NCOR2: variants seen among roughly 807,000 people sequenced by gnomAD.
NCOR2 encodes nuclear receptor corepressor 2, also known as CTG repeat protein 26.
NCOR2 carries 81 observed loss-of-function variants against 262.9 expected under a neutral mutation model. The ratio of observed to expected loss-of-function variants is 0.31; its 90% CI spans 0.26 to 0.37. The LOEUF (loss-of-function observed/expected upper bound fraction) is 0.37, where lower values mean the gene tolerates loss of function less well. Ranked by LOEUF, NCOR2 falls within the 10% of genes least tolerant of loss-of-function variation. The probability of loss-of-function intolerance (pLI) is 1.00; values close to 1 mark genes in which losing one functional copy is unlikely to be tolerated. For synonymous variants in NCOR2, 1,659 were observed against 1,559.3 expected (o/e 1.06, Z -1.51); for missense variants, 3,385 against 3,621.4 (o/e 0.93, Z 1.68).
chr12:124,443,941 C>T lies in NCOR2; in HGVS notation c.815+5874G>A, dbSNP rs185089403. On this transcript the variant is annotated intron_variant, in intron 7 of 46. Coordinates refer to ENST00000405201, the Ensembl canonical transcript of NCOR2. The surrounding 1 kb of genome is among the most constrained non-coding windows in gnomAD (Gnocchi z 4.4). ...ATGGCCACAGGCTGGGAAACTGAGG[C>T]TTGGCTGCTCCTTTCAAAGGTCGCC... Among the ~76,000 whole-genome samples, 1 of 152,252 alleles carries T rather than the reference C, an allele frequency of 6.6e-6. No homozygotes were observed. Among genetic ancestry groups the T allele is most frequent in the Admixed American group, 6.5e-5 (1 of 15,290 alleles).
exon 47 of NCOR2, chr12:124,325,380 C>CCA (rs2034535167): frequency 3.1e-6 from 1 of 327,318 alleles, no homozygotes; most frequent in Non-Finnish European, 4.7e-6. Context: ...TGACACCGCC[C>CCA]CCCCCCCCGC....
chr12:124,458,523 G>C (rs895215047), intron 5 of NCOR2, among the ~76,000 whole-genome samples: 2 of 152,140 alleles, frequency 1.3e-5, no homozygotes, highest in African/African-American at 2.4e-5. Flanking sequence ...GTGCGGCTGG[G>C]GGCCAGAAGA....
chr12:124,345,983 GCTGGGGCCGCCTGGGGGGA>G (rs149487455), intron 31 of NCOR2, among the ~76,000 whole-genome samples: 5,471 of 152,228 alleles, frequency 0.036, 176 homozygotes, highest in Non-Finnish European at 0.052. Flanking sequence ...CCCCTACTGA[GCTGGGGCCGCCTGGGGGGA>G]CTGGGGCCTC....
intron 21 of NCOR2, 59 bp from the exon 24 acceptor site, chr12:124,362,356 G>A (rs1232539542): frequency 6.8e-6 from 9 of 1,326,970 alleles, no homozygotes; most frequent in Non-Finnish European, 8.7e-6. Flanking sequence ...GACAGGGTCA[G>A]GGAGAGACAT....
chr12:124,325,741 T>A (rs933165625), intron 46 of NCOR2, among the ~76,000 whole-genome samples, 158 bp from the exon 49 acceptor site: 1 of 152,148 alleles, frequency 6.6e-6, no homozygotes, highest in Non-Finnish European at 1.5e-5. Context: ...ACCGTCTGCC[T>A]CTCTTCACCT....
exon 20 of NCOR2, chr12:124,372,484 G>C (rs767498497): frequency 6.4e-7 from 1 of 1,573,612 alleles, no homozygotes; most frequent in Non-Finnish European, 8.6e-7. Flanking sequence ...TGGGGTGGGT[G>C]GCCCTGGGGG....
At chr12:124,345,822 G>A (rs1241335017) in intron 31 of NCOR2, among the ~76,000 whole-genome samples, 2 of 152,176 alleles carry the variant, frequency 1.3e-5, no homozygotes, top group Non-Finnish European at 2.9e-5. Flanking sequence ...ACCCACCCCA[G>A]TCCTTCCGCC....
In NCOR2 at chr12:124,433,845, T is replaced by TACACAC. The variant is rs1204258133; in HGVS notation, c.883-3064_883-3059dup. On this transcript the variant is annotated intron_variant, in intron 8 of 46. Coordinates refer to ENST00000405201, the Ensembl canonical transcript of NCOR2. Reference sequence around the variant, plus strand: ...CTTCCCTCCCTCCCTCTCTCTGTCTTACACACACACACACACACACACACA... The same window carrying TACACAC: ...CTTCCCTCCCTCCCTCTCTCTGTCTTACACACACACACACACACACACACACACACA... 2.6e-3 allele frequency among the ~76,000 whole-genome samples: 47 copies of TACACAC among 18,272 alleles called. 1 individual carries two copies. Among genetic ancestry groups the TACACAC allele is most frequent in the African/African-American group, 4.0e-3 (43 of 10,832 alleles). 12.0% of individuals were successfully genotyped at this position (18,272 alleles called of 152,430 possible).
chr12:124,450,781 T>C (rs2045473505), intron 6 of NCOR2, among the ~76,000 whole-genome samples: 1 of 152,234 alleles, frequency 6.6e-6, no homozygotes, highest in African/African-American at 2.4e-5. Context: ...GGGCACAGCC[T>C]AGGTTCAAGT....
chr12:124,327,481 T>G, exon 45 of NCOR2: 1 of 1,613,614 alleles, frequency 6.2e-7, no homozygotes, highest in Non-Finnish European at 8.5e-7. Flanking sequence ...AGGCTGGCAC[T>G]GGCATTCAGA....
intron 13 of NCOR2, among the ~76,000 whole-genome samples, chr12:124,412,674 C>T (rs940650261): frequency 6.6e-6 from 1 of 152,260 alleles, no homozygotes; most frequent in Non-Finnish European, 1.5e-5. Context: ...GGCTTAACAA[C>T]CCCTTCAGCC....
At chr12:124,469,320 G>GTCAAAATCCAGGATGT (rs2046708693) in intron 4 of NCOR2, among the ~76,000 whole-genome samples, 1 of 152,194 alleles carries the variant, frequency 6.6e-6, no homozygotes, top group Non-Finnish European at 1.5e-5. Flanking sequence ...AATCCAGGAT[G>GTCAAAATCCAGGATGT]CTGGCTTTTA....
At chr12:124,340,648 C>T (rs755427580) in exon 35 of NCOR2, 17 of 1,495,996 alleles carry the variant, frequency 1.1e-5, no homozygotes, top group Admixed American at 9.7e-5. Context: ...AGGGCTGGGG[C>T]GCGGTGGGGA....
Position 124,440,241 on chromosome 12 carries a change from C to A in NCOR2, c.816-2245G>T, listed in dbSNP as rs1565946671. Among the ~76,000 whole-genome samples, 1 of 152,212 alleles carries A rather than the reference C, an allele frequency of 6.6e-6. No individual in the cohort carries two copies. The highest frequency in any genetic ancestry group is 1.5e-5 in the Non-Finnish European group (1 of 68,038). ...AAGTTCCAAAGCTACTGACTGGGAG[C>A]CACGCTATGTCCAGCCCCCGGGACC... On this transcript the variant is annotated intron_variant, in intron 7 of 46. Coordinates refer to ENST00000405201, the Ensembl canonical transcript of NCOR2. This position sits in a 1 kb window ranked among gnomAD's most constrained non-coding sequence, Gnocchi z 5.7.
intron 1 of NCOR2, among the ~76,000 whole-genome samples, chr12:124,500,384 C>A (rs2048635303): frequency 6.6e-6 from 1 of 152,218 alleles, no homozygotes; most frequent in Non-Finnish European, 1.5e-5. Flanking sequence ...GCCCCCACTG[C>A]ACTCTGCCAG....
chr12:124,366,713 T>C (rs73223592), intron 20 of NCOR2, among the ~76,000 whole-genome samples: 20,353 of 152,102 alleles, frequency 0.13, 1,557 homozygotes, highest in African/African-American at 0.18. Context: ...AGCCAAGGTT[T>C]CTCTATGTTG....
At chr12:124,556,737 A>G (rs1470963519) in intron 1 of NCOR2, among the ~76,000 whole-genome samples, 1 of 151,956 alleles carries the variant, frequency 6.6e-6, no homozygotes, top group Non-Finnish European at 1.5e-5. Flanking sequence ...ATAATCCGTT[A>G]CTCAGGTGGC....
At chr12:124,522,254 T>C (rs1021806802) in intron 1 of NCOR2, among the ~76,000 whole-genome samples, 2 of 152,244 alleles carry the variant, frequency 1.3e-5, no homozygotes, top group Non-Finnish European at 2.9e-5. Flanking sequence ...TTAAAATACA[T>C]GAGTGATTAA....
At chr12:124,564,895 G>T (rs1459397721) in intron 1 of NCOR2, among the ~76,000 whole-genome samples, 1 of 151,460 alleles carries the variant, frequency 6.6e-6, no homozygotes, top group South Asian at 2.1e-4. Flanking sequence ...GGGTGTCTGC[G>T]CTGCCAGCGC....
Sources: allele counts gnomAD v4.1 joint callset (sites outside exome capture counted in the v4.1 genomes callset), GRCh38; gene constraint gnomAD v4.1.1; non-coding constraint Gnocchi (gnomAD v3.1); transcripts MANE v1.5; gene names NCBI Gene and HGNC (gene_info 2026-07-23, HGNC 2026-07-21).